ZFHX3: variants seen among roughly 807,000 people sequenced by gnomAD.
The protein encoded by ZFHX3 is zinc finger homeobox 3, also known as zinc finger homeobox protein 3.
Under a neutral mutation model 279.1 loss-of-function variants are expected in ZFHX3, and 42 were observed. The observed-to-expected ratio is 0.15, with a 90% CI of 0.12 to 0.19. The LOEUF is 0.19. Ranked by LOEUF, ZFHX3 falls within the 10% of genes least tolerant of loss-of-function variation. The pLI is 1.00. For missense variants in ZFHX3, 4,981 were observed against 4,754.0 expected (o/e 1.05, Z -1.40); for synonymous variants, 2,293 against 1,957.8 (o/e 1.17, Z -4.52).
At chr16:73,256,926 A>G (rs2013676759) in intron 5 of ZFHX3, 1 of 152,132 alleles carries the variant, frequency 6.6e-6, no homozygotes, top group Non-Finnish European at 1.5e-5. Flanking sequence ...GATACTATCT[A>G]AATTATAATA....
chr16:73,327,020 C>T (rs911173955), intron 3 of ZFHX3, among the ~76,000 whole-genome samples: 4 of 152,184 alleles, frequency 2.6e-5, no homozygotes, highest in African/African-American at 7.2e-5. Context: ...CTGAGGAAAC[C>T]GTATCTCAAA....
chr16:73,773,570 T>C (rs979997464), intron 1 of ZFHX3, among the ~76,000 whole-genome samples: 5 of 152,072 alleles, frequency 3.3e-5, no homozygotes, highest in Non-Finnish European at 7.4e-5. Context: ...TACATAATAA[T>C]GTGTCCGTGG....
chr16:73,865,079 A>G (rs1307852681), intron 1 of ZFHX3, among the ~76,000 whole-genome samples: 1 of 152,238 alleles, frequency 6.6e-6, no homozygotes, highest in African/African-American at 2.4e-5. Context: ...ACAAGAGATG[A>G]CATGAAAGAC....
At chr16:72,838,875 C>T (rs549571953) in intron 4 of ZFHX3, among the ~76,000 whole-genome samples, 8 of 152,024 alleles carry the variant, frequency 5.3e-5, no homozygotes, top group East Asian at 3.9e-4. Flanking sequence ...GTCGCGGACT[C>T]GCCTGGTGGC....
intron 6 of ZFHX3, chr16:73,143,733 C>A (rs377527872): frequency 7.7e-7 from 1 of 1,304,088 alleles, no homozygotes; most frequent in Non-Finnish European, 1.0e-6. Flanking sequence ...CATTGAGAAA[C>A]AAGAAAGCTG....
In ZFHX3 at chr16:72,957,940, T is replaced by C; in HGVS notation, c.2206A>G (p.Thr736Ala). ...FRCEVCNYSTTTKGNLSIHMQ... is the reference protein window; with the variant it reads ...FRCEVCNYSTATKGNLSIHMQ... ...TGAATACTGAGGTTGCCTTTGGTAG[T>C]TGTGGAGTAGTTACACACCTCGCAG... The change falls in exon 2 of 10, where the codon ACT becomes GCT. Residue 736 changes from threonine (T) to alanine (A), a missense_variant. By Grantham distance (58) the Thr-to-Ala change is moderately conservative. Transcript: ENST00000268489. 2 of 1,614,212 alleles carry C rather than the reference T, an allele frequency of 1.2e-6. 1 individual carries two copies. Among genetic ancestry groups the C allele is most frequent in the South Asian group, 2.2e-5 (2 of 91,086 alleles).
chr16:73,027,973 C>A (rs768205022), intron 1 of ZFHX3, among the ~76,000 whole-genome samples: 1 of 152,124 alleles, frequency 6.6e-6, no homozygotes, highest in Non-Finnish European at 1.5e-5. Flanking sequence ...CAGAGCCGGG[C>A]CTTCCCAGCA....
At chr16:73,383,625 T>C (rs1433797368) in intron 3 of ZFHX3, among the ~76,000 whole-genome samples, 1 of 146,498 alleles carries the variant, frequency 6.8e-6, no homozygotes, top group African/African-American at 2.5e-5. Context: ...GCCTCTCTGT[T>C]TCCCGAAATC....
intron 5 of ZFHX3, among the ~76,000 whole-genome samples, chr16:73,155,767 G>A (rs1967064444): frequency 6.6e-6 from 1 of 152,040 alleles, no homozygotes. Context: ...AGGTCACAGT[G>A]AGCCGAGATC....
chr16:73,681,543 C>T (rs1001255804), intron 1 of ZFHX3, among the ~76,000 whole-genome samples: 2 of 152,258 alleles, frequency 1.3e-5, no homozygotes, highest in Admixed American at 6.5e-5. Context: ...GTCTAGAGCA[C>T]GTTGAGGTTT....
intron 2 of ZFHX3, among the ~76,000 whole-genome samples, chr16:73,603,647 T>G (rs2052146854): frequency 6.6e-6 from 1 of 151,736 alleles, no homozygotes; most frequent in Non-Finnish European, 1.5e-5. Flanking sequence ...TTATAACAAA[T>G]GAACACACAA....
chr16:73,562,901 C>T (rs1206267999), intron 2 of ZFHX3, among the ~76,000 whole-genome samples: 5 of 152,088 alleles, frequency 3.3e-5, no homozygotes, highest in African/African-American at 1.2e-4. Context: ...GAATCCACCC[C>T]CTAGCAAGGC....
intron 3 of ZFHX3, among the ~76,000 whole-genome samples, chr16:73,366,308 G>A (rs1383877429): frequency 6.6e-6 from 1 of 152,212 alleles, no homozygotes; most frequent in African/African-American, 2.4e-5. Context: ...GCTATTAATA[G>A]AGATCATTAT....
At chr16:73,201,199 G>T (rs960561887) in intron 5 of ZFHX3, among the ~76,000 whole-genome samples, 11 of 152,162 alleles carry the variant, frequency 7.2e-5, no homozygotes, top group Admixed American at 7.2e-4. Flanking sequence ...GCAATGGGGG[G>T]GCTCTGTCCC....
At chr16:73,082,424 C>G (rs753794690) in intron 8 of ZFHX3, among the ~76,000 whole-genome samples, 2 of 151,936 alleles carry the variant, frequency 1.3e-5, no homozygotes, top group Non-Finnish European at 2.9e-5. Flanking sequence ...CCCGCTACCA[C>G]GCCCGGCTAA....
chr16:73,520,685 T>C (rs997688353), intron 2 of ZFHX3, among the ~76,000 whole-genome samples: 4 of 152,210 alleles, frequency 2.6e-5, no homozygotes, highest in Non-Finnish European at 2.9e-5. Context: ...TAAATGTTAA[T>C]TGAATGAATA....
chr16:73,846,930 T>C (rs955377625), intron 1 of ZFHX3, among the ~76,000 whole-genome samples: 1 of 152,060 alleles, frequency 6.6e-6, no homozygotes, highest in African/African-American at 2.4e-5. Flanking sequence ...TGTTTTTAAA[T>C]AGTTTTTTTT....
At chr16:73,067,601 G>A (rs545949125) in intron 8 of ZFHX3, among the ~76,000 whole-genome samples, 1 of 152,326 alleles carries the variant, frequency 6.6e-6, no homozygotes, top group African/African-American at 2.4e-5. Context: ...TTCCTGCTGT[G>A]CAGTTGGAAT....
At chr16:73,390,727 G>A (rs1233075406) in intron 3 of ZFHX3, among the ~76,000 whole-genome samples, 1 of 152,076 alleles carries the variant, frequency 6.6e-6, no homozygotes, top group Non-Finnish European at 1.5e-5. Context: ...GGGAACAATG[G>A]AGGATGGACC....
Sources: allele counts gnomAD v4.1 joint callset (sites outside exome capture counted in the v4.1 genomes callset), GRCh38; gene constraint gnomAD v4.1.1; transcripts MANE v1.5; gene names NCBI Gene and HGNC (gene_info 2026-07-23, HGNC 2026-07-21).